The following CDH13 variants were observed in gnomAD, a reference collection of about 807,000 sequenced individuals.
CDH13 encodes cadherin-13.
A neutral mutation model predicts 63.8 loss-of-function variants in CDH13; 24 were observed. That is an observed-to-expected ratio of 0.38 (90% CI 0.27 to 0.53). The LOEUF is 0.53. Ranked by LOEUF, CDH13 falls within the 20% of genes least tolerant of loss-of-function variation. The pLI is 0.85. For missense variants in CDH13, 1,049 were observed against 903.1 expected, an observed-to-expected ratio of 1.16 and a Z score of -2.07; for synonymous variants, 503 against 355.3, an observed-to-expected ratio of 1.42 and a Z score of -4.67.
intron 4 of CDH13, among the ~76,000 whole-genome samples, chr16:83,214,074 G>A (rs943776609): frequency 6.6e-6 from 1 of 152,070 alleles, no homozygotes; most frequent in African/African-American, 2.4e-5. Context: ...CACCCCCAAG[G>A]CAGCAGCGAC....
intron 2 of CDH13, among the ~76,000 whole-genome samples, chr16:82,896,711 T>TGAATAA (rs1341645243): frequency 1.3e-5 from 2 of 149,556 alleles, no homozygotes; most frequent in Non-Finnish European, 3.0e-5. Context: ...TGACTCTCAG[T>TGAATAA]GAATAAGAGA....
intron 6 of CDH13, among the ~76,000 whole-genome samples, chr16:83,419,272 T>C (rs2071643850): frequency 6.6e-6 from 1 of 152,188 alleles, no homozygotes; most frequent in Non-Finnish European, 1.5e-5. Flanking sequence ...GATTCTGTCT[T>C]TGGAAGATGC....
At position 82,905,352 on chromosome 16, in the gene CDH13, T is replaced by C. The variant is rs537608696; in HGVS notation, c.157+46879T>C. Among the ~76,000 whole-genome samples the C allele has an allele frequency of 8.5e-5, 13 of 152,284 alleles. No homozygotes were observed. In the South Asian group the frequency reaches 2.5e-3, roughly 29 times the overall value. On this transcript the variant is annotated intron_variant, in intron 2 of 13. Coordinates refer to ENST00000567109, the MANE Select transcript of CDH13 (RefSeq NM_001257.5). The stretch of plus-strand genomic sequence containing the variant: ...AAAACATATATGAACTAATTATATA[T>C]CTGATAGTCGTTTTTAAGGAGGAAG...
At chr16:82,684,460 G>A (rs1395620381) in intron 1 of CDH13, among the ~76,000 whole-genome samples, 4 of 152,112 alleles carry the variant, frequency 2.6e-5, no homozygotes, top group African/African-American at 7.2e-5. Context: ...AGCTCATCAG[G>A]AAAGTATGCT....
chr16:83,769,583 G>A (rs767980329), intron 11 of CDH13, among the ~76,000 whole-genome samples: 12 of 152,212 alleles, frequency 7.9e-5, no homozygotes, highest in African/African-American at 2.7e-4. Context: ...CCCCCTGCTA[G>A]CCTGGTGTCT....
In CDH13 at chr16:83,301,192, C is replaced by T. The variant is rs539187805; in HGVS notation, c.637-43670C>T. On this transcript the variant is annotated intron_variant, in intron 5 of 13. Coordinates refer to ENST00000567109, the MANE Select transcript of CDH13 (RefSeq NM_001257.5). ...GACTACAGGCGCCCACCACCACGCC[C>T]GGCTAATTTTTTGTATTTTTAGTAG... 2.0e-3 allele frequency among the ~76,000 whole-genome samples: 300 copies of T among 151,650 alleles called. 3 individuals carry two copies. The highest frequency in any genetic ancestry group is 6.0e-4 in the Non-Finnish European group (41 of 67,886).
intron 5 of CDH13, among the ~76,000 whole-genome samples, chr16:83,329,375 G>A (rs892346846): frequency 1.3e-5 from 2 of 151,092 alleles, no homozygotes; most frequent in African/African-American, 2.4e-5. Flanking sequence ...GTAGGCACGT[G>A]CCACCACACA....
At chr16:83,435,939 T>A (rs2072287450) in intron 6 of CDH13, among the ~76,000 whole-genome samples, 1 of 152,206 alleles carries the variant, frequency 6.6e-6, no homozygotes, top group African/African-American at 2.4e-5. Flanking sequence ...GTCTTACTTT[T>A]TTAATTCTTC....
intron 1 of CDH13, among the ~76,000 whole-genome samples, chr16:82,856,653 A>G (rs9939362): frequency 0.55 from 71,647 of 130,442 alleles, 19,481 homozygotes; most frequent in East Asian, 0.78. Flanking sequence ...AGTGAGCCAC[A>G]GTTGCACTCC....
chr16:82,821,359 C>T (rs1255843289), intron 1 of CDH13, among the ~76,000 whole-genome samples: 1 of 152,170 alleles, frequency 6.6e-6, no homozygotes, highest in African/African-American at 2.4e-5. Flanking sequence ...AAAATTTATA[C>T]TAATGAGACG....
intron 11 of CDH13, among the ~76,000 whole-genome samples, chr16:83,761,178 T>C (rs1913937023): frequency 6.6e-6 from 1 of 152,184 alleles, no homozygotes; most frequent in Non-Finnish European, 1.5e-5. Flanking sequence ...ACTGAAAACC[T>C]GATCTGAGGT....
At chr16:83,737,307 A>G (rs1028762860) in intron 10 of CDH13, among the ~76,000 whole-genome samples, 5 of 152,236 alleles carry the variant, frequency 3.3e-5, no homozygotes, top group African/African-American at 1.2e-4. Flanking sequence ...CTCAGTGGTA[A>G]GTCTCGAAGT....
chr16:83,297,706 G>T (rs2089635526), intron 5 of CDH13, among the ~76,000 whole-genome samples: 1 of 152,058 alleles, frequency 6.6e-6, no homozygotes, highest in Non-Finnish European at 1.5e-5. Context: ...GTCAGATAAG[G>T]CTTTGATGTG....
chr16:82,862,567 T>TC lies in CDH13; in HGVS notation c.157+4095dup, dbSNP rs397713921. ...CCACCATTAGAACTGTACTTTTTTT[T>TC]CTTACCCTTGTTCATTCTTTATGGG... On this transcript the variant is annotated intron_variant, in intron 2 of 13. Transcript: ENST00000567109. Among the ~76,000 whole-genome samples, 5 of 151,898 alleles carry TC rather than the reference T, an allele frequency of 3.3e-5. No individual in the cohort carries two copies. The East Asian group carries it at 5.8e-4, about 18-fold the overall frequency.
intron 7 of CDH13, among the ~76,000 whole-genome samples, chr16:83,556,141 G>C (rs2075597952): frequency 6.6e-6 from 1 of 152,166 alleles, no homozygotes; most frequent in Non-Finnish European, 1.5e-5. Context: ...TCTGCCTGCA[G>C]CAGCGTTCTA....
chr16:82,825,026 G>A (rs1317702304), intron 1 of CDH13: 1 of 152,184 alleles, frequency 6.6e-6, no homozygotes, highest in Non-Finnish European at 1.5e-5. Flanking sequence ...GAAGGGGTGA[G>A]TGGATGTGTG....
intron 2 of CDH13, among the ~76,000 whole-genome samples, chr16:83,006,928 G>T (rs145923138): frequency 0.13 from 16,203 of 125,456 alleles, 1,593 homozygotes; most frequent in Non-Finnish European, 0.16. Flanking sequence ...TTGTTTGTTT[G>T]TTTGTTTTTT....
chr16:82,671,927 A>T (rs973148166), intron 1 of CDH13, among the ~76,000 whole-genome samples: 2 of 152,162 alleles, frequency 1.3e-5, no homozygotes, highest in African/African-American at 4.8e-5. Flanking sequence ...TCTGTGTCTC[A>T]CTACAGAAGG....
At chr16:82,916,567 C>CCA in intron 2 of CDH13, among the ~76,000 whole-genome samples, 1 of 138,024 alleles carries the variant, frequency 7.2e-6, no homozygotes, top group African/African-American at 2.6e-5. Flanking sequence ...GGGTGAGACT[C>CCA]TGTCTCAAAA....
Sources: gnomAD v4.1 joint callset for allele counts (sites outside exome capture counted in the v4.1 genomes callset) on GRCh38, gnomAD v4.1.1 for gene constraint, MANE v1.5 for transcripts, NCBI Gene and HGNC (gene_info 2026-07-23, HGNC 2026-07-21) for gene names.